Variants in KDM1A observed in about 807,000 individuals in gnomAD.
KDM1A encodes the protein lysine-specific histone demethylase 1A.
A neutral mutation model predicts 109.4 loss-of-function variants in KDM1A; 49 were observed. The observed-to-expected ratio is 0.45, with a 90% CI of 0.36 to 0.57. The LOEUF (loss-of-function observed/expected upper bound fraction) is 0.57, where lower values mean the gene tolerates loss of function less well. Ranked by LOEUF, KDM1A falls within the 20% of genes least tolerant of loss-of-function variation. KDM1A has a pLI of 0.00. For missense variants in KDM1A, 668 were observed against 1,116.6 expected (o/e 0.60, Z 5.73); for synonymous variants, 380 against 415.4 (o/e 0.91, Z 1.04).
intron 2 of KDM1A, among the ~76,000 whole-genome samples, chr1:23,032,372 T>A (rs1009125741): frequency 1.4e-4 from 22 of 151,814 alleles, no homozygotes; most frequent in Non-Finnish European, 2.5e-4. Flanking sequence ...TTTTTTTTTT[T>A]AATTTCATAA....
chr1:23,076,501 A>C (rs1361593434), intron 15 of KDM1A, among the ~76,000 whole-genome samples: 1 of 152,230 alleles, frequency 6.6e-6, no homozygotes, highest in Non-Finnish European at 1.5e-5. Context: ...AGAAAATGTA[A>C]TCAGGACTGT....
At chr1:23,056,215 G>A (rs1642826738) in intron 7 of KDM1A, among the ~76,000 whole-genome samples, 177 bp downstream of exon 7, 1 of 151,510 alleles carries the variant, frequency 6.6e-6, no homozygotes. Flanking sequence ...TTTAATGAAT[G>A]CTTTGAAAAG....
intron 2 of KDM1A, among the ~76,000 whole-genome samples, chr1:23,041,877 C>T (rs1642346382): frequency 6.6e-6 from 1 of 151,476 alleles, no homozygotes; most frequent in South Asian, 2.1e-4. Flanking sequence ...TTTTTAATTC[C>T]TTTCTTCAAA....
In KDM1A at chr1:23,072,624, G is replaced by T. The variant is rs572890317; in HGVS notation, c.1622+427G>T. ...TCCAGCCTCCACATAAATCTGTTCT[G>T]TTCTGTATTCAAGAATGCTACCCAC... On this transcript the variant is annotated intron_variant, in intron 14 of 20. Transcript: ENST00000400181. Among the ~76,000 whole-genome samples, 8 of 152,218 alleles carry T rather than the reference G, an allele frequency of 5.3e-5. No individual in the cohort carries two copies. The South Asian group carries it at 1.7e-3, about 32-fold the overall frequency.
intron 9 of KDM1A, among the ~76,000 whole-genome samples, chr1:23,064,665 T>C (rs1172801321): frequency 6.6e-6 from 1 of 152,226 alleles, no homozygotes; most frequent in East Asian, 1.9e-4. Flanking sequence ...CGAGATTACT[T>C]CTTGCAGGAT....
At chr1:23,068,515 C>T in intron 10 of KDM1A, 24 bp from the exon 11 acceptor site, 1 of 1,549,704 alleles carries the variant, frequency 6.5e-7, no homozygotes, top group Non-Finnish European at 8.6e-7. Context: ...TAAGGACCAA[C>T]TCTGCTATAC....
Position 23,041,732 on chromosome 1 carries a change from TGCCC to T in KDM1A, c.518-2694_518-2691del, listed in dbSNP as rs1216051141. Among the ~76,000 whole-genome samples the T allele has an allele frequency of 3.9e-5, 6 of 152,192 alleles. No homozygotes were observed. In the South Asian group the frequency reaches 1.2e-3, roughly 32 times the overall value. On this transcript the variant is annotated intron_variant, in intron 2 of 20. Coordinates refer to ENST00000400181, the MANE Select transcript of KDM1A (RefSeq NM_001009999.3). ...CTGGGATTACAGGCGTGAGCCACTGTGCCCAGCCTGGAGTTTCATTTCTTTTTTG... is the reference window on the plus strand; with the variant it reads ...CTGGGATTACAGGCGTGAGCCACTGTAGCCTGGAGTTTCATTTCTTTTTTG...
intron 1 of KDM1A, among the ~76,000 whole-genome samples, chr1:23,022,632 G>A (rs1484150029): frequency 2.3e-5 from 3 of 131,022 alleles, no homozygotes; most frequent in Middle Eastern, 7.5e-3. Context: ...GAGCCACTGC[G>A]CCTGGCCTTC....
Position 23,053,913 on chromosome 1 carries a change from G to A in KDM1A, c.790+74G>A, listed in dbSNP as rs1569737462. 4 of 790,094 alleles carry A rather than the reference G, an allele frequency of 5.1e-6. No homozygotes were observed. In the East Asian group the frequency reaches 1.0e-4, roughly 20 times the overall value. 48.9% of individuals were successfully genotyped at this position (790,094 alleles called of 1,614,324 possible). On this transcript the variant is annotated intron_variant, in intron 5 of 20. Coordinates refer to ENST00000400181, the MANE Select transcript of KDM1A (RefSeq NM_001009999.3). Reference sequence around the variant, plus strand: ...GATACGTTCTTCTAGGAGCCTCATGGTTCCTTGATAATTAATTTTTTCATT... The same window carrying A: ...GATACGTTCTTCTAGGAGCCTCATGATTCCTTGATAATTAATTTTTTCATT...
chr1:23,045,170 A>G (rs551332285), intron 3 of KDM1A, among the ~76,000 whole-genome samples: 77 of 152,320 alleles, frequency 5.1e-4, no homozygotes, highest in African/African-American at 1.7e-3. Flanking sequence ...AAAATAACGT[A>G]TCTGGATTTC....
intron 6 of KDM1A, 57 bp from the exon 7 acceptor site, chr1:23,055,875 G>GT: frequency 2.6e-6 from 3 of 1,135,872 alleles, no homozygotes; most frequent in South Asian, 1.4e-5. Flanking sequence ...AAATAAGACT[G>GT]TAAGTACAAA....
rs750323792 is a variant in KDM1A at position 23,019,976 on chromosome 1, A to G, written c.351+29A>G. The G allele has an allele frequency of 8.1e-6, 12 of 1,473,962 alleles. No individual in the cohort carries two copies. The South Asian group carries it at 1.4e-4, about 17-fold the overall frequency. 91.3% of individuals were successfully genotyped at this position (1,473,962 alleles called of 1,614,324 possible). The stretch of plus-strand genomic sequence containing the variant: ...AGGCTCGACCCTTCCCTCAAACGAC[A>G]CCGCCTGGTGCCGAGCTTCCCCGAG... On this transcript the variant is annotated intron_variant, in intron 1 of 20. Transcript: ENST00000400181.
At chr1:23,042,964 G>C (rs978997338) in intron 2 of KDM1A, among the ~76,000 whole-genome samples, 2 of 150,636 alleles carry the variant, frequency 1.3e-5, no homozygotes, top group African/African-American at 4.9e-5. Flanking sequence ...GGCTAGGCTG[G>C]TCTTGAACTC....
chr1:23,029,615 C>T (rs1046079348), intron 1 of KDM1A, among the ~76,000 whole-genome samples: 2 of 152,126 alleles, frequency 1.3e-5, no homozygotes, highest in Admixed American at 1.3e-4. Context: ...ATTTCCACGT[C>T]ACTTATTCCT....
intron 4 of KDM1A, among the ~76,000 whole-genome samples, chr1:23,052,031 T>G (rs1642688329): frequency 6.6e-6 from 1 of 152,224 alleles, no homozygotes; most frequent in Non-Finnish European, 1.5e-5. Flanking sequence ...AGTGGATTTT[T>G]TTTTAGACAA....
intron 1 of KDM1A, among the ~76,000 whole-genome samples, chr1:23,027,252 A>T (rs937500707): frequency 6.6e-6 from 1 of 152,148 alleles, no homozygotes; most frequent in Non-Finnish European, 1.5e-5. Flanking sequence ...TAAGCATGAT[A>T]GTCTTCTTTT....
At chr1:23,063,436 G>C (rs770197247) in intron 9 of KDM1A, among the ~76,000 whole-genome samples, 2 of 152,024 alleles carry the variant, frequency 1.3e-5, no homozygotes, top group East Asian at 1.9e-4. Context: ...TAACTTTGCC[G>C]GTTTTCATTT....
chr1:23,030,375 G>A (rs1641947098), intron 1 of KDM1A, 94 bp from the exon 2 acceptor site: 2 of 952,088 alleles, frequency 2.1e-6, no homozygotes, highest in Non-Finnish European at 3.0e-6. Context: ...TAAAATGTGA[G>A]GTTAACAATT....
chr1:23,019,537 G>A lies in KDM1A; in HGVS notation c.-60G>A. ...GAAGCGAGGCGAGGCAAGGCTTTTC[G>A]GACCCACGGAGCGACAGAGCGAGCG... On this transcript the variant is annotated 5_prime_UTR_variant, in exon 1 of 21. Transcript: ENST00000400181. The A allele has an allele frequency of 2.2e-6, 3 of 1,336,480 alleles. No individual in the cohort carries two copies. The highest frequency in any genetic ancestry group is 2.2e-5 in the South Asian group (1 of 46,480). 82.8% of individuals were successfully genotyped at this position (1,336,480 alleles called of 1,614,324 possible). A position where few individuals can be genotyped will look rare whatever the true frequency, so the allele number is the denominator to read the frequency against.
Sources: allele counts gnomAD v4.1 joint callset (sites outside exome capture counted in the v4.1 genomes callset), GRCh38; gene constraint gnomAD v4.1.1; transcripts MANE v1.5; gene names NCBI Gene and HGNC (gene_info 2026-07-23, HGNC 2026-07-21).